The following PKD1 variants were observed in gnomAD, a reference collection of about 807,000 sequenced individuals.
The protein encoded by PKD1 is polycystin-1.
In PKD1, 81 loss-of-function variants were observed where a neutral mutation model predicts 361.7. The ratio of observed to expected loss-of-function variants is 0.22; its 90% CI spans 0.19 to 0.27. The LOEUF (loss-of-function observed/expected upper bound fraction) is 0.27. Ranked by LOEUF, PKD1 falls within the 10% of genes least tolerant of loss-of-function variation. The pLI is 1.00. For missense variants in PKD1, 6,399 were observed against 6,118.3 expected, an observed-to-expected ratio of 1.05 and a Z score of -1.53; for synonymous variants, 3,615 against 2,818.3, an observed-to-expected ratio of 1.28 and a Z score of -8.95.
In PKD1 at chr16:2,118,173, T is replaced by C. The variant is rs1160613067; in HGVS notation, c.819A>G (p.Pro273=). ...TLLQHVFPAS[P]GATLVGPHGP... is the part of the protein sequence containing the mutation. ...CGTGGGGCCCCACCAGGGTGGCCCC[T>C]GGGGAGGCAGGGAAGACGTGCTGGA... Residue 273 remains proline, a synonymous_variant, in exon 5 of 46, where the codon CCA becomes CCG. Transcript: ENST00000262304. This position sits in a 1 kb window ranked among gnomAD's most constrained non-coding sequence, Gnocchi z 6.0. The C allele has an allele frequency of 1.3e-6, 2 of 1,565,050 alleles. No individual in the cohort carries two copies. Among genetic ancestry groups the C allele is most frequent in the African/African-American group, 1.4e-5 (1 of 73,676 alleles).
Position 2,111,314 on chromosome 16 carries a change from G to C in PKD1, c.3853C>G (p.Arg1285Gly). 6.2e-7 allele frequency: 1 copy of C among 1,608,738 alleles called. No individual in the cohort carries two copies. The change falls in exon 15 of 46, where the codon CGG becomes GGG. Residue 1285 changes from arginine to glycine, a missense_variant. Coordinates refer to ENST00000262304, the MANE Select transcript of PKD1 (RefSeq NM_001009944.3). The part of the protein sequence containing the change: ...GAASPAGHLA[R>G]SLHVLVFVLE... The stretch of plus-strand genomic sequence containing the variant: ...ACGAAGACCAGCACGTGCAGGCTCC[G>C]GGCCAGGTGGCCGGCGGGGCTGGCC...
chr16:2,105,529 G>A (rs1469522590), intron 20 of PKD1, 55 bp from the exon 21 acceptor site: 10 of 1,594,798 alleles, frequency 6.3e-6, no homozygotes, highest in Admixed American at 1.7e-5. Flanking sequence ...GCCGGCAGGA[G>A]GCCAGCAGAT....
rs1266941567 is a variant in PKD1, at chr16:2,098,037, A to G, written c.10051-53T>C. Reference sequence around the variant, plus strand: ...GCGGCAGCTCAGACCTGCTCAGGACAGGGATGAGAAGCCACCTCCTCAGCA... The same window carrying G: ...GCGGCAGCTCAGACCTGCTCAGGACGGGGATGAGAAGCCACCTCCTCAGCA... On this transcript the variant is annotated intron_variant, in intron 30 of 45. Coordinates refer to ENST00000262304, the MANE Select transcript of PKD1 (RefSeq NM_001009944.3). 18 of 920,938 alleles carry G rather than the reference A, an allele frequency of 2.0e-5. No homozygotes were observed. In the Admixed American group the frequency reaches 3.0e-4, roughly 15 times the overall value. 57.0% of individuals were successfully genotyped at this position (920,938 alleles called of 1,614,324 possible). A position where few individuals can be genotyped will look rare whatever the true frequency, so the allele number is the denominator to read the frequency against.
At chr16:2,117,284 G>A (rs1160937336) in intron 6 of PKD1, among the ~76,000 whole-genome samples, 1 of 152,196 alleles carries the variant, frequency 6.6e-6, no homozygotes, top group Non-Finnish European at 1.5e-5. Flanking sequence ...GGCGTGCCCA[G>A]GAGTGTCCGG....
chr16:2,107,533 A>T (rs1304769907), intron 16 of PKD1: 6 of 415,494 alleles, frequency 1.4e-5, no homozygotes, highest in South Asian at 4.3e-5. Context: ...CGGTCCAGAG[A>T]GGGGAGCGTG....
chr16:2,098,156 G>A lies in PKD1; in HGVS notation c.10051-172C>T, dbSNP rs3874645. ...GTCCGTGATGGCAGCCCCTCGCGAC[G>A]TGTGCCACTGAACACTTGACAGCAG... On this transcript the variant is annotated intron_variant, in intron 30 of 45. Coordinates refer to ENST00000262304, the MANE Select transcript of PKD1 (RefSeq NM_001009944.3). 138 of 608,258 alleles carry A rather than the reference G, an allele frequency of 2.3e-4. No individual in the cohort carries two copies. In the Admixed American group the frequency reaches 2.8e-3, roughly 13 times the overall value. The allele number at this position is 608,258 out of a possible 1,614,324, so 37.7% of individuals were successfully genotyped here.
chr16:2,092,274 C>A, intron 39 of PKD1, 86 bp from the exon 40 acceptor site: 1 of 1,438,654 alleles, frequency 7.0e-7, no homozygotes, highest in Non-Finnish European at 9.4e-7. Flanking sequence ...CGCCTGAGCT[C>A]TGGTTCGGCG....
Position 2,092,348 on chromosome 16 carries a change from G to C in PKD1, c.11269+132C>G, listed in dbSNP as rs983367637. On this transcript the variant is annotated intron_variant, in intron 39 of 45. Coordinates refer to ENST00000262304, the MANE Select transcript of PKD1 (RefSeq NM_001009944.3). The stretch of plus-strand genomic sequence containing the variant: ...AACGTTACCATCTCTCATATACAGA[G>C]AAGGAAACGGCGGTGTTAAGAGGGC... 31 of 985,198 alleles carry C rather than the reference G, an allele frequency of 3.1e-5. No individual in the cohort carries two copies. The Admixed American group carries it at 6.1e-4, about 19-fold the overall frequency. 61.0% of individuals were successfully genotyped at this position (985,198 alleles called of 1,614,324 possible). A position where few individuals can be genotyped will look rare whatever the true frequency, so the allele number is the denominator to read the frequency against.
Position 2,091,181 on chromosome 16 carries a change from G to C in PKD1, c.11713-7C>G, listed in dbSNP as rs1458041995. On this transcript the variant is annotated splice_polypyrimidine_tract_variant and splice_region_variant and intron_variant, in intron 42 of 45. Coordinates refer to ENST00000262304, the MANE Select transcript of PKD1 (RefSeq NM_001009944.3). ...CGAACAGCAGCAGGCACACCTGTGG[G>C]GGGCGCGGTCAGGAGGGCGGGAGGG... 11 of 1,414,922 alleles carry C rather than the reference G, an allele frequency of 7.8e-6. No individual in the cohort carries two copies. Among genetic ancestry groups the C allele is most frequent in the Non-Finnish European group, 1.0e-5 (11 of 1,093,220 alleles). The allele number at this position is 1,414,922 out of a possible 1,614,324, so 87.6% of individuals were successfully genotyped here. A position where few individuals can be genotyped will look rare whatever the true frequency, so the allele number is the denominator to read the frequency against.
Position 2,089,744 on chromosome 16 carries a change from G to A in PKD1, c.12895C>T (p.His4299Tyr). The change falls in exon 46 of 46, where the codon CAC (histidine) becomes TAC (tyrosine). Residue 4299 changes from histidine to tyrosine, a missense_variant. Coordinates refer to ENST00000262304, the MANE Select transcript of PKD1 (RefSeq NM_001009944.3). ...RTPLRAKNKV[H>Y]PSST is the part of the protein sequence containing the mutation. ...AAGGAGGACTAAGTGCTGCTGGGGT[G>A]GACCTTGTTCTTGGCCCGAAGGGGT... 1 of 1,587,372 alleles carries A rather than the reference G, an allele frequency of 6.3e-7. No homozygotes were observed. The highest frequency in any genetic ancestry group is 8.6e-7 in the Non-Finnish European group (1 of 1,168,642).
intron 39 of PKD1, 120 bp downstream of exon 39, chr16:2,092,360 G>A (rs1040161547): frequency 2.2e-5 from 21 of 948,690 alleles, no homozygotes; most frequent in East Asian, 2.6e-5. Context: ...AGGAAACGGC[G>A]GTGTTAAGAG....
At chr16:2,131,060 C>T (rs899407837) in intron 1 of PKD1, among the ~76,000 whole-genome samples, 1 of 152,188 alleles carries the variant, frequency 6.6e-6, no homozygotes, top group Admixed American at 6.5e-5. Context: ...CTCCAACGAC[C>T]AATTTACAAG....
rs1208066805 is a variant in PKD1 at position 2,135,645 on chromosome 16, C to T, written c.45G>A (p.Leu15=). The change falls in exon 1 of 46, where the codon CTG becomes CTA. Residue 15 remains leucine, a synonymous_variant. Transcript: ENST00000262304. The stretch of plus-strand genomic sequence containing the variant: ...CCGCCAGCGCCCCGAGCCACAGGCC[C>T]AGGCCCAGGGCCAGCGCCAGGCGGG... ...APARLALALG[L]GLWLGALAGG... is the part of the protein sequence containing the mutation. 4 of 858,534 alleles carry T rather than the reference C, an allele frequency of 4.7e-6. No homozygotes were observed. Among genetic ancestry groups the T allele is most frequent in the Non-Finnish European group, 4.2e-6 (3 of 715,044 alleles). 53.2% of individuals were successfully genotyped at this position (858,534 alleles called of 1,614,324 possible).
chr16:2,105,125 C>A (rs1331610086), intron 21 of PKD1, among the ~76,000 whole-genome samples, 197 bp downstream of exon 21: 1 of 149,650 alleles, frequency 6.7e-6, no homozygotes, highest in Non-Finnish European at 1.5e-5. Flanking sequence ...CTGGGTCCCC[C>A]GAGAGGCACC....
At chr16:2,095,883 T>C (rs1263014912) in intron 34 of PKD1, among the ~76,000 whole-genome samples, 4 of 152,092 alleles carry the variant, frequency 2.6e-5, no homozygotes, top group South Asian at 2.1e-4. Context: ...GGTCAGCATG[T>C]AGTGACTACC....
rs777602723 is a variant in PKD1 at position 2,114,529 on chromosome 16, G to T, written c.2494C>A (p.Arg832Ser). The T allele has an allele frequency of 1.9e-6, 3 of 1,594,002 alleles. No homozygotes were observed. The highest frequency in any genetic ancestry group is 1.1e-5 in the South Asian group (1 of 90,780). ...AGLRVIYPAP[R>S]DGRLYVPTNG... ...GTGGGCACGTAGAGGCGGCCGTCGCGGGGGGCAGGGTAGATGACCCGCAGC... is the reference window on the plus strand; with the variant it reads ...GTGGGCACGTAGAGGCGGCCGTCGCTGGGGGCAGGGTAGATGACCCGCAGC... Residue 832 changes from arginine (R) to serine (S), a missense_variant, in exon 11 of 46, where the codon CGC becomes AGC. Coordinates refer to ENST00000262304, the MANE Select transcript of PKD1 (RefSeq NM_001009944.3).
chr16:2,099,957 G>A lies in PKD1; in HGVS notation c.9827C>T (p.Thr3276Ile). 1 of 1,564,064 alleles carries A rather than the reference G, an allele frequency of 6.4e-7. No individual in the cohort carries two copies. Among genetic ancestry groups the A allele is most frequent in the East Asian group, 2.4e-5 (1 of 42,228 alleles). The change falls in exon 29 of 46, where the codon ACT becomes ATT. Residue 3276 changes from threonine to isoleucine, a missense_variant. Thr to Ile is a moderately conservative substitution (Grantham distance 89). Coordinates refer to ENST00000262304, the MANE Select transcript of PKD1 (RefSeq NM_001009944.3). ...IWDRPPRSRF[T>I]RIQRATCCVL... ...GCAGCAGGTGGCCCTCTGGATGCGAGTGAAACGGCTACGAGGCGGCCGGTC... is the reference window on the plus strand; with the variant it reads ...GCAGCAGGTGGCCCTCTGGATGCGAATGAAACGGCTACGAGGCGGCCGGTC...
chr16:2,088,827 T>C lies in PKD1; in HGVS notation c.*900A>G, dbSNP rs763430709. On this transcript the variant is annotated 3_prime_UTR_variant, in exon 46 of 46. Coordinates refer to ENST00000262304, the MANE Select transcript of PKD1 (RefSeq NM_001009944.3). ...GTACACAGAAGCAGGCACAGCCAGC[T>C]CCGAGGGCCTTGAGGCTGCCTGGGC... 14 of 635,846 alleles carry C rather than the reference T, an allele frequency of 2.2e-5. No homozygotes were observed. Among genetic ancestry groups the C allele is most frequent in the Non-Finnish European group, 3.5e-5 (13 of 374,592 alleles). 39.4% of individuals were successfully genotyped at this position (635,846 alleles called of 1,614,324 possible).
Position 2,089,563 on chromosome 16 carries a change from C to T in PKD1, c.*164G>A, listed in dbSNP as rs113262713. 1.0e-5 allele frequency: 9 copies of T among 866,074 alleles called. No homozygotes were observed. The African/African-American group carries it at 1.2e-4, about 11-fold the overall frequency. 53.6% of individuals were successfully genotyped at this position (866,074 alleles called of 1,614,324 possible). Reference sequence around the variant, plus strand: ...CCTGGGTCCTGGTTGGCCACACAGCCTCTTTAAAGTGCTGAAGCCCACAGA... The same window carrying T: ...CCTGGGTCCTGGTTGGCCACACAGCTTCTTTAAAGTGCTGAAGCCCACAGA... On this transcript the variant is annotated 3_prime_UTR_variant, in exon 46 of 46. Coordinates refer to ENST00000262304, the MANE Select transcript of PKD1 (RefSeq NM_001009944.3).
Sources: allele counts gnomAD v4.1 joint callset (sites outside exome capture counted in the v4.1 genomes callset), GRCh38; gene constraint gnomAD v4.1.1; non-coding constraint Gnocchi (gnomAD v3.1); transcripts MANE v1.5; gene names NCBI Gene and HGNC (gene_info 2026-07-23, HGNC 2026-07-21).